The following MYBPC2 variants were observed in gnomAD, a reference collection of about 807,000 sequenced individuals.
The protein encoded by MYBPC2 is myosin binding protein C2, also known as myosin-binding protein C, fast-type.
MYBPC2 carries 122 observed loss-of-function variants against 137.0 expected under a neutral mutation model. The observed-to-expected ratio is 0.89, with a 90% CI of 0.77 to 1.03. The LOEUF (loss-of-function observed/expected upper bound fraction) is 1.03. MYBPC2 is among the 50% of genes least tolerant of loss of function. MYBPC2 has a pLI of 0.00. For missense variants in MYBPC2, 1,500 were observed against 1,534.4 expected (o/e 0.98, Z 0.37); for synonymous variants, 626 against 612.3 (o/e 1.02, Z -0.33).
rs556200960 is a variant in MYBPC2, at chr19:50,452,903, C to G, written c.1749+900C>G. ...CCATCCGTCCAACAAATATTTTAAC[C>G]TTGCATGTCCCAGGCCCTGGGACAG... On this transcript the variant is annotated intron_variant, in intron 16 of 27. Coordinates refer to ENST00000357701, the MANE Select transcript of MYBPC2 (RefSeq NM_004533.4). 1.6e-4 allele frequency among the ~76,000 whole-genome samples: 24 copies of G among 152,026 alleles called. 1 individual carries two copies. Among genetic ancestry groups the G allele is most frequent in the African/African-American group, 5.8e-4 (24 of 41,448 alleles).
Position 50,455,559 on chromosome 19 carries a change from C to A in MYBPC2, c.2253C>A (p.Thr751=). The change falls in exon 20 of 28, where the codon ACC becomes ACA. Residue 751 remains threonine (T), a synonymous_variant. Transcript: ENST00000357701. ...TGATAGTGGAGGATGTGACAGACAC[C>A]ACCACCACACTCAAGTGGAGGCCTC... The part of the protein sequence containing the change: ...LHLIVEDVTD[T]TTTLKWRPPN... 1 of 1,613,962 alleles carries A rather than the reference C, an allele frequency of 6.2e-7. No individual in the cohort carries two copies. Among genetic ancestry groups the A allele is most frequent in the African/African-American group, 1.3e-5 (1 of 75,034 alleles).
At chr19:50,434,457 G>A (rs766475518) in intron 1 of MYBPC2, among the ~76,000 whole-genome samples, 8 of 152,242 alleles carry the variant, frequency 5.3e-5, no homozygotes, top group Non-Finnish European at 1.0e-4. Context: ...CATCTGCATG[G>A]AGTCACAGGG....
In MYBPC2 at chr19:50,466,201, A is replaced by C. The variant is rs769231342; in HGVS notation, c.3422A>C (p.Gln1141Pro). Residue 1141 changes from glutamine (Q) to proline (P), a missense_variant, in exon 28 of 28, where the codon CAG (glutamine) becomes CCG (proline). Transcript: ENST00000357701. The surrounding 1 kb of genome is among the most constrained non-coding windows in gnomAD (Gnocchi z 4.9). ...CTTTCTCGTTTTCCTGCAGTGCCGC[A>C]GTGAGACCTGTCCCCTACCTGCCAA... ...AECKLEVRVP[Q>P] 10 of 1,613,686 alleles carry C rather than the reference A, an allele frequency of 6.2e-6. No individual in the cohort carries two copies. The highest frequency in any genetic ancestry group is 8.5e-6 in the Non-Finnish European group (10 of 1,179,828).
At chr19:50,447,189 A>T (rs1479919976) in intron 12 of MYBPC2, among the ~76,000 whole-genome samples, 1 of 152,070 alleles carries the variant, frequency 6.6e-6, no homozygotes, top group African/African-American at 2.4e-5. Flanking sequence ...TGGTGAAAAG[A>T]AACAGGTCTG....
At chr19:50,438,423 T>A (rs1472079884) in intron 7 of MYBPC2, among the ~76,000 whole-genome samples, 1 of 151,810 alleles carries the variant, frequency 6.6e-6, no homozygotes, top group Middle Eastern at 3.2e-3. Context: ...GGGAAGCGGA[T>A]GGATGGATGG....
At position 50,452,602 on chromosome 19, in the gene MYBPC2, G is replaced by C. The variant is rs58984319; in HGVS notation, c.1749+599G>C. 5.9e-3 allele frequency among the ~76,000 whole-genome samples: 901 copies of C among 152,116 alleles called. 6 individuals are homozygous for C. Among genetic ancestry groups the C allele is most frequent in the African/African-American group, 0.02 (848 of 41,464 alleles). On this transcript the variant is annotated intron_variant, in intron 16 of 27. Transcript: ENST00000357701. ...AGGTGGAATCTCACTCTGTCACCCA[G>C]GCTGGAGTGCAGTGGCGTAGTCTTG...
At chr19:50,443,686 G>A (rs1305267088) in intron 10 of MYBPC2, 25 bp from the exon 11 acceptor site, 3 of 1,611,330 alleles carry the variant, frequency 1.9e-6, no homozygotes, top group African/African-American at 1.3e-5. Context: ...TGAAACGACT[G>A]ACCTCCTGTC....
chr19:50,459,000 C>T lies in MYBPC2; in HGVS notation c.2589C>T (p.Pro863=), dbSNP rs571758068. Residue 863 remains proline (P), a synonymous_variant, in exon 22 of 28, where the codon CCC becomes CCT. Coordinates refer to ENST00000357701, the MANE Select transcript of MYBPC2 (RefSeq NM_004533.4). ...GCGAGCAGCTCAACCTTGTCGTCCC[C>T]TTCCAGGTCAGGGGAGCGGGGTCAC... ...KVGEQLNLVV[P]FQGKPRPQVV... 6.2e-7 allele frequency: 1 copy of T among 1,610,914 alleles called. No homozygotes were observed. The highest frequency in any genetic ancestry group is 1.3e-5 in the African/African-American group (1 of 75,002).
chr19:50,443,952 C>T (rs2039779061), intron 11 of MYBPC2, 136 bp downstream of exon 11: 1 of 784,886 alleles, frequency 1.3e-6, no homozygotes, highest in South Asian at 2.0e-5. Context: ...CAGGAGATCT[C>T]AGCTTTTCTC....
intron 1 of MYBPC2, among the ~76,000 whole-genome samples, chr19:50,434,613 G>A (rs1235499500): frequency 6.6e-6 from 1 of 152,200 alleles, no homozygotes; most frequent in African/African-American, 2.4e-5. Flanking sequence ...AACACTTTCT[G>A]TGGAGATGAG....
At position 50,455,276 on chromosome 19, in the gene MYBPC2, C is replaced by T; in HGVS notation, c.2183C>T (p.Thr728Ile). The change falls in exon 19 of 28, where the codon ACC (threonine) becomes ATC (isoleucine). Residue 728 changes from threonine to isoleucine, a missense_variant. Transcript: ENST00000357701. ...GGGGTCTCCCAGCCCAGCATGAACACCAAGCCTTTTATGCCTATTGGTAAT... is the reference window on the plus strand; with the variant it reads ...GGGGTCTCCCAGCCCAGCATGAACATCAAGCCTTTTATGCCTATTGGTAAT... ...AIGVSQPSMN[T>I]KPFMPIAPTS... 1 of 1,613,758 alleles carries T rather than the reference C, an allele frequency of 6.2e-7. No homozygotes were observed. The highest frequency in any genetic ancestry group is 8.5e-7 in the Non-Finnish European group (1 of 1,179,740).
intron 27 of MYBPC2, 147 bp downstream of exon 27, chr19:50,464,679 A>G: frequency 1.0e-6 from 1 of 982,214 alleles, no homozygotes. Context: ...TGCTGTCCTG[A>G]AGGCAGCACA....
chr19:50,443,383 T>C, intron 9 of MYBPC2, 111 bp from the exon 10 acceptor site: 1 of 1,327,090 alleles, frequency 7.5e-7, no homozygotes, highest in Non-Finnish European at 1.0e-6. Context: ...TCCACACAAT[T>C]TGGCTCTGAG....
chr19:50,443,776 A>G lies in MYBPC2; in HGVS notation c.1093A>G (p.Met365Val), dbSNP rs1183742375. Residue 365 changes from methionine to valine, a missense_variant, in exon 11 of 28, where the codon ATG (methionine) becomes GTG (valine). By Grantham distance (21) the Met-to-Val change is conservative. Coordinates refer to ENST00000357701, the MANE Select transcript of MYBPC2 (RefSeq NM_004533.4). Reference sequence around the variant, plus strand: ...GGTGTTTGTGGGTGACCGGGTGGAAATGGCAGTGGAGGTGTCAGAAGAGGG... The same window carrying G: ...GGTGTTTGTGGGTGACCGGGTGGAAGTGGCAGTGGAGGTGTCAGAAGAGGG... ...QQVFVGDRVE[M>V]AVEVSEEGAQ... 6.2e-7 allele frequency: 1 copy of G among 1,613,852 alleles called. No homozygotes were observed. Among genetic ancestry groups the G allele is most frequent in the Admixed American group, 1.7e-5 (1 of 59,986 alleles).
Position 50,459,303 on chromosome 19 carries a change from G to A in MYBPC2, c.2788G>A (p.Val930Met). The change falls in exon 23 of 28, where the codon GTG (valine) becomes ATG (methionine). Residue 930 changes from valine to methionine, a missense_variant. Physicochemically the swap from Val to Met is conservative, Grantham distance 21. Transcript: ENST00000357701. ...KDTATIRIRVVEKAGPPINVM... is the reference protein window; with the variant it reads ...KDTATIRIRVMEKAGPPINVM... ...CACCGCCACCATCCGCATCCGCGTT[G>A]TGGGTGCGCGCGCTGGGGAGGGCCC... The A allele has an allele frequency of 1.3e-6, 2 of 1,599,932 alleles. No individual in the cohort carries two copies. Among genetic ancestry groups the A allele is most frequent in the Non-Finnish European group, 1.7e-6 (2 of 1,173,154 alleles).
rs2039809329 is a variant in MYBPC2 at position 50,446,756 on chromosome 19, G to A, written c.1306+704G>A. On this transcript the variant is annotated intron_variant, in intron 12 of 27. Coordinates refer to ENST00000357701, the MANE Select transcript of MYBPC2 (RefSeq NM_004533.4). Reference sequence around the variant, plus strand: ...AATCGCTTGAACCCAGGAGGTGGAGGTTGTGGTGAGCCGAGATTGCACACT... The same window carrying A: ...AATCGCTTGAACCCAGGAGGTGGAGATTGTGGTGAGCCGAGATTGCACACT... 2.0e-5 allele frequency among the ~76,000 whole-genome samples: 3 copies of A among 147,340 alleles called. No homozygotes were observed. In the South Asian group the frequency reaches 6.4e-4, roughly 32 times the overall value.
At chr19:50,462,895 CG>C (rs1568670674) in intron 26 of MYBPC2, among the ~76,000 whole-genome samples, 2 of 152,208 alleles carry the variant, frequency 1.3e-5, no homozygotes, top group African/African-American at 4.8e-5. Context: ...CAGCTTGTCT[CG>C]GCAGCTTGAG....
intron 7 of MYBPC2, among the ~76,000 whole-genome samples, chr19:50,439,090 T>C (rs1395264051): frequency 5.6e-4 from 72 of 128,856 alleles, no homozygotes; most frequent in East Asian, 9.3e-4. Context: ...ATCCATCCAC[T>C]CACCCACCTG....
rs911384016 is a variant in MYBPC2, at chr19:50,458,645, G to T, written c.2397G>T (p.Lys799Asn). ...TGGAGCGCTGTGGCTTCACCGTCAAGAATCTCCCGACCGGAGCCAGAATCC... is the reference window on the plus strand; with the variant it reads ...TGGAGCGCTGTGGCTTCACCGTCAATAATCTCCCGACCGGAGCCAGAATCC... ...EPVERCGFTV[K>N]NLPTGARILF... is the part of the protein sequence containing the mutation. The change falls in exon 21 of 28, where the codon AAG becomes AAT. Residue 799 changes from lysine to asparagine, a missense_variant. Transcript: ENST00000357701. The T allele has an allele frequency of 6.2e-7, 1 of 1,612,866 alleles. No homozygotes were observed. Among genetic ancestry groups the T allele is most frequent in the South Asian group, 1.1e-5 (1 of 91,084 alleles).
Sources: gnomAD v4.1 joint callset for allele counts (sites outside exome capture counted in the v4.1 genomes callset) on GRCh38, gnomAD v4.1.1 for gene constraint, Gnocchi (gnomAD v3.1) non-coding constraint, MANE v1.5 for transcripts, NCBI Gene and HGNC (gene_info 2026-07-23, HGNC 2026-07-21) for gene names.